Variants in PHACTR1 observed in about 807,000 individuals in gnomAD.
PHACTR1 encodes phosphatase and actin regulator 1.
A neutral mutation model predicts 69.2 loss-of-function variants in PHACTR1; 16 were observed. The observed-to-expected ratio is 0.23, with a 90% confidence interval of 0.16 to 0.35. The LOEUF (loss-of-function observed/expected upper bound fraction) is 0.35. Ranked by LOEUF, PHACTR1 falls within the 10% of genes least tolerant of loss-of-function variation. The pLI, the probability that PHACTR1 is intolerant of heterozygous loss-of-function variation, is 1.00. For missense variants in PHACTR1, 510 were observed against 734.7 expected (o/e 0.69, Z 3.54); for synonymous variants, 312 against 284.5 (o/e 1.10, Z -0.97).
At chr6:13,254,938 A>C (rs1383818862) in intron 10 of PHACTR1, among the ~76,000 whole-genome samples, 2 of 152,132 alleles carry the variant, frequency 1.3e-5, no homozygotes. Context: ...AGAAAGACCC[A>C]CCTCTTAGCT....
chr6:12,947,532 A>G (rs1216945864), intron 4 of PHACTR1, among the ~76,000 whole-genome samples: 2 of 152,208 alleles, frequency 1.3e-5, no homozygotes, highest in Non-Finnish European at 2.9e-5. Context: ...AACTAAATCA[A>G]AAGTAGTGAG....
chr6:12,779,800 T>C (rs6922969), intron 4 of PHACTR1, among the ~76,000 whole-genome samples: 67,108 of 152,064 alleles, frequency 0.44, 15,590 homozygotes, highest in African/African-American at 0.55. Flanking sequence ...TATATATACT[T>C]ACATTCTCAT....
intron 10 of PHACTR1, 167 bp from the exon 11 acceptor site, chr6:13,272,693 T>C (rs773727386): frequency 1.4e-4 from 211 of 1,551,562 alleles, no homozygotes; most frequent in South Asian, 2.2e-4. Flanking sequence ...GGGCTTGAAA[T>C]TGAGGAACTG....
chr6:13,003,959 A>ATATATATATATATATATATATATATATC (rs1798429306), intron 4 of PHACTR1, among the ~76,000 whole-genome samples: 1 of 108,030 alleles, frequency 9.3e-6, no homozygotes, highest in Non-Finnish European at 1.8e-5. Context: ...TCCTATATAT[A>ATATATATATATATATATATATATATATC]TATATGTATA....
intron 4 of PHACTR1, among the ~76,000 whole-genome samples, chr6:12,853,747 A>C (rs62389892): frequency 1.4e-4 from 22 of 152,242 alleles, no homozygotes; most frequent in African/African-American, 5.3e-4. Flanking sequence ...CTAACTCACT[A>C]TCATGAGAAC....
chr6:12,821,560 A>C (rs60575343), intron 4 of PHACTR1, among the ~76,000 whole-genome samples: 2 of 151,678 alleles, frequency 1.3e-5, no homozygotes, highest in African/African-American at 4.8e-5. Flanking sequence ...AAACCCCAGG[A>C]AACTTCATAC....
intron 10 of PHACTR1, among the ~76,000 whole-genome samples, chr6:13,240,030 T>C (rs945747393): frequency 2.6e-5 from 4 of 150,986 alleles, no homozygotes; most frequent in Admixed American, 1.3e-4. Flanking sequence ...ATCTTAGTGT[T>C]TAAACTTGCA....
At chr6:13,038,242 C>T (rs1803625341) in intron 4 of PHACTR1, among the ~76,000 whole-genome samples, 1 of 152,064 alleles carries the variant, frequency 6.6e-6, no homozygotes. Context: ...GCTGGTGTTA[C>T]ACAGCTAGTA....
intron 4 of PHACTR1, among the ~76,000 whole-genome samples, chr6:12,937,594 C>A (rs1433946132): frequency 6.6e-6 from 1 of 151,722 alleles, no homozygotes; most frequent in Non-Finnish European, 1.5e-5. Context: ...TGTCAGGTGG[C>A]GGTAAGAGTT....
chr6:13,194,956 C>T (rs994750247), intron 7 of PHACTR1, among the ~76,000 whole-genome samples: 1 of 152,082 alleles, frequency 6.6e-6, no homozygotes, highest in Non-Finnish European at 1.5e-5. Flanking sequence ...ACATGCTGAC[C>T]TGGCTTGGAA....
intron 4 of PHACTR1, among the ~76,000 whole-genome samples, chr6:12,761,825 T>C (rs537902938): frequency 6.6e-6 from 1 of 152,342 alleles, no homozygotes; most frequent in African/African-American, 2.4e-5. Flanking sequence ...AACCTTCCTT[T>C]CTGAAGTGGG....
chr6:12,993,362 G>C (rs1481016944), intron 4 of PHACTR1, among the ~76,000 whole-genome samples: 1 of 152,204 alleles, frequency 6.6e-6, no homozygotes, highest in East Asian at 1.9e-4. Context: ...TCTTGCCTTT[G>C]AAATACTCAT....
chr6:12,852,230 C>T (rs569474324), intron 4 of PHACTR1, among the ~76,000 whole-genome samples: 63 of 152,288 alleles, frequency 4.1e-4, no homozygotes, highest in African/African-American at 1.2e-3. Context: ...AGTAAATTGA[C>T]GAGGGCCAAG....
At chr6:12,853,321 A>G (rs780339006) in intron 4 of PHACTR1, among the ~76,000 whole-genome samples, 3 of 152,176 alleles carry the variant, frequency 2.0e-5, no homozygotes, top group Non-Finnish European at 2.9e-5. Context: ...CAGCCTCAGA[A>G]TCTCCAACGA....
rs1761834912 is a variant in PHACTR1, at chr6:12,719,508, G to T, written c.103+661G>T. ...ATATGGGATCTCGTGACTAGGAGGA[G>T]ATTTTTTTTTTCACATATTTTCTGT... On this transcript the variant is annotated intron_variant, in intron 3 of 14. Coordinates refer to ENST00000332995, the MANE Select transcript of PHACTR1 (RefSeq NM_030948.6). 3.3e-5 allele frequency among the ~76,000 whole-genome samples: 5 copies of T among 151,926 alleles called. No homozygotes were observed. The South Asian group carries it at 1.0e-3, about 32-fold the overall frequency.
chr6:12,839,358 G>A (rs1778466516), intron 4 of PHACTR1, among the ~76,000 whole-genome samples: 1 of 152,188 alleles, frequency 6.6e-6, no homozygotes, highest in South Asian at 2.1e-4. Context: ...CAGGCATCAA[G>A]CAAGCTATCA....
At chr6:13,050,550 T>C (rs139027146) in intron 4 of PHACTR1, among the ~76,000 whole-genome samples, 1 of 152,286 alleles carries the variant, frequency 6.6e-6, no homozygotes, top group East Asian at 1.9e-4. Flanking sequence ...TTCTCAGCAT[T>C]TTTTCTACAT....
intron 4 of PHACTR1, among the ~76,000 whole-genome samples, chr6:12,981,419 T>C (rs1461767168): frequency 6.6e-6 from 1 of 152,196 alleles, no homozygotes; most frequent in East Asian, 1.9e-4. Flanking sequence ...GAAGAAAACC[T>C]TTAAATTAAA....
At chr6:12,813,718 T>G (rs368028209) in intron 4 of PHACTR1, among the ~76,000 whole-genome samples, 1 of 152,138 alleles carries the variant, frequency 6.6e-6, no homozygotes. Context: ...AGAGACTGCA[T>G]CAAAAACTAA....
Sources: gnomAD v4.1 joint callset for allele counts (sites outside exome capture counted in the v4.1 genomes callset) on GRCh38, gnomAD v4.1.1 for gene constraint, MANE v1.5 for transcripts, NCBI Gene and HGNC (gene_info 2026-07-23, HGNC 2026-07-21) for gene names.